Variants in USP40 observed in about 807,000 individuals in gnomAD.
The protein encoded by USP40 is ubiquitin specific peptidase 40.
USP40 carries 143 observed loss-of-function variants against 166.2 expected under a neutral mutation model. The observed-to-expected ratio is 0.86, with a 90% CI of 0.75 to 0.99. USP40 has a LOEUF of 0.99. USP40 is among the 50% of genes least tolerant of loss of function. USP40 has a pLI of 0.00. For synonymous variants in USP40, 498 were observed against 524.0 expected (o/e 0.95, Z 0.68); for missense variants, 1,444 against 1,479.7 (o/e 0.98, Z 0.40).
chr2:233,539,697 T>A (rs2069221894), intron 10 of USP40, among the ~76,000 whole-genome samples: 1 of 147,726 alleles, frequency 6.8e-6, no homozygotes. Context: ...TTAGAAGGTT[T>A]AAAAAAAAAA....
chr2:233,565,692 T>C, intron 1 of USP40, 119 bp from the exon 2 acceptor site: 4 of 894,442 alleles, frequency 4.5e-6, no homozygotes, highest in East Asian at 2.7e-5. Context: ...ACTGTTTCTA[T>C]GTACAGTAGT....
intron 25 of USP40, chr2:233,492,947 C>T (rs2065441850): frequency 5.9e-6 from 1 of 168,664 alleles, no homozygotes; most frequent in Non-Finnish European, 1.3e-5. Context: ...TGTCTATGTT[C>T]CTTCTCAGAA....
At chr2:233,539,269 G>C (rs1219921988) in intron 10 of USP40, among the ~76,000 whole-genome samples, 1 of 150,934 alleles carries the variant, frequency 6.6e-6, no homozygotes, top group African/African-American at 2.4e-5. Flanking sequence ...ATTTGACCTA[G>C]TTGTCACTTG....
intron 13 of USP40, among the ~76,000 whole-genome samples, chr2:233,526,002 A>C (rs1327860470): frequency 6.6e-6 from 1 of 152,188 alleles, no homozygotes; most frequent in Non-Finnish European, 1.5e-5. Context: ...CTCCCATTGC[A>C]AATTTATAAA....
In USP40 at chr2:233,481,243, T is replaced by G. The variant is rs2064567103; in HGVS notation, c.3559A>C (p.Lys1187Gln). Residue 1187 changes from lysine to glutamine, a missense_variant, in exon 31 of 32, where the codon AAA (lysine) becomes CAA (glutamine). By Grantham distance (53) the Lys-to-Gln change is moderately conservative. Coordinates refer to ENST00000678225, the MANE Select transcript of USP40 (RefSeq NM_001365479.2). ...AGGGCCCGTTGTTTCTGCTTTTCTT[T>G]TCCAGTGTCATCTCTGATTGTACTG... is the stretch of plus-strand genomic sequence containing the variant. ...DFSTIRDDTG[K>Q]EKQKQRALGR... 1 of 1,608,690 alleles carries G rather than the reference T, an allele frequency of 6.2e-7. No individual in the cohort carries two copies. The highest frequency in any genetic ancestry group is 8.5e-7 in the Non-Finnish European group (1 of 1,177,438).
In USP40 at chr2:233,491,212, G is replaced by A. The variant is rs1156892882; in HGVS notation, c.2967C>T (p.Asp989=). The A allele has an allele frequency of 2.5e-6, 4 of 1,611,972 alleles. No homozygotes were observed. The South Asian group carries it at 3.3e-5, about 13-fold the overall frequency. The part of the protein sequence containing the change: ...PAQVSLLYLG[D]IEISEDATLA... ...GCGTGGCATCTTCTGAGATCTCTATGTCTCCCAAGTAGAGGAGAGAAACTT... is the reference window on the plus strand; with the variant it reads ...GCGTGGCATCTTCTGAGATCTCTATATCTCCCAAGTAGAGGAGAGAAACTT... Residue 989 remains aspartate (D), a synonymous_variant, in exon 26 of 32, where the codon GAC becomes GAT. Transcript: ENST00000678225.
intron 21 of USP40, 59 bp from the exon 22 acceptor site, chr2:233,499,974 C>CTGT: frequency 6.6e-7 from 1 of 1,509,990 alleles, no homozygotes; most frequent in South Asian, 1.2e-5. Flanking sequence ...AGTTCTAGGA[C>CTGT]AAACACCCTT....
At chr2:233,532,732 A>C (rs1048313931) in intron 11 of USP40, among the ~76,000 whole-genome samples, 5 of 152,190 alleles carry the variant, frequency 3.3e-5, no homozygotes, top group Admixed American at 1.3e-4. Context: ...ATCTGAGGCC[A>C]GGAGTTCAAG....
intron 21 of USP40, among the ~76,000 whole-genome samples, chr2:233,501,679 AAGAATC>A: frequency 6.6e-6 from 1 of 152,346 alleles, no homozygotes; most frequent in South Asian, 2.1e-4. Flanking sequence ...TAAGAAAGAG[AAGAATC>A]AAGGATGACT....
chr2:233,539,050 C>T (rs927223511), intron 10 of USP40, among the ~76,000 whole-genome samples: 11 of 152,104 alleles, frequency 7.2e-5, no homozygotes, highest in Middle Eastern at 3.4e-3. Flanking sequence ...AAGCATTTCA[C>T]GCCAGGAGGC....
chr2:233,560,489 G>A (rs1489119935), intron 3 of USP40, among the ~76,000 whole-genome samples: 1 of 152,138 alleles, frequency 6.6e-6, no homozygotes, highest in East Asian at 1.9e-4. Flanking sequence ...ATGGCAATTT[G>A]ACATTCCCAT....
intron 30 of USP40, among the ~76,000 whole-genome samples, chr2:233,482,570 G>A (rs1431194439): frequency 6.7e-6 from 1 of 148,868 alleles, no homozygotes; most frequent in African/African-American, 2.5e-5. Context: ...ACCAACTTGT[G>A]TTCCCACTGG....
At chr2:233,555,852 T>C (rs62192777) in intron 5 of USP40, among the ~76,000 whole-genome samples, 17,626 of 151,956 alleles carry the variant, frequency 0.12, 1,199 homozygotes, top group Non-Finnish European at 0.16. Context: ...CGGTGGCTCA[T>C]GCCTGTAATC....
chr2:233,540,762 T>G lies in USP40; in HGVS notation c.1070A>C (p.Asn357Thr), dbSNP rs769151223. 8.1e-6 allele frequency: 13 copies of G among 1,611,740 alleles called. No individual in the cohort carries two copies. In the South Asian group the frequency reaches 1.4e-4, roughly 18 times the overall value. The part of the protein sequence containing the change: ...ILKAILLEEE[N>T]NLIPVDQLGQ... The stretch of plus-strand genomic sequence containing the variant: ...CAGCTGATCAACAGGAATTAGATTA[T>G]TCTCCTCCTTATGAGAGAAACACAG... Residue 357 changes from asparagine (N) to threonine (T), a missense_variant, in exon 10 of 32, where the codon AAT becomes ACT. Asn to Thr is a moderately conservative substitution (Grantham distance 65, BLOSUM62 0). Transcript: ENST00000678225.
intron 20 of USP40, among the ~76,000 whole-genome samples, chr2:233,510,388 C>CTTTT (rs2066724423): frequency 3.2e-4 from 25 of 79,268 alleles, no homozygotes; most frequent in Admixed American, 5.6e-4. Context: ...ACTTCTTTTT[C>CTTTT]TTTCTTTTTT....
intron 22 of USP40, among the ~76,000 whole-genome samples, chr2:233,499,432 C>T (rs1034635386): frequency 2.0e-5 from 3 of 152,086 alleles, no homozygotes; most frequent in African/African-American, 4.8e-5. Context: ...GGGTTGATTC[C>T]ATGTCTTTGC....
chr2:233,491,502 T>C (rs2125069112), intron 25 of USP40, among the ~76,000 whole-genome samples: 1 of 152,336 alleles, frequency 6.6e-6, no homozygotes, highest in Non-Finnish European at 1.5e-5. Flanking sequence ...TTCCACATTC[T>C]CTCCTTCCTC....
chr2:233,565,480 C>CT lies in USP40; in HGVS notation c.74dup (p.Thr26AspfsTer2). The CT allele has an allele frequency of 6.5e-7, 1 of 1,537,272 alleles. No homozygotes were observed. ...GAGCAGGTGGCTCCAAAGCTTTAGTCTTTAATTTCTTCCCTTTTCCATACT... is the reference window on the plus strand; with the variant it reads ...GAGCAGGTGGCTCCAAAGCTTTAGTCTTTTAATTTCTTCCCTTTTCCATACT... On this transcript the variant is annotated frameshift_variant, in exon 2 of 32. Transcript: ENST00000678225. LOFTEE classifies it high-confidence loss of function.
At chr2:233,540,483 G>A (rs560361647) in intron 10 of USP40, among the ~76,000 whole-genome samples, 179 bp downstream of exon 10, 8 of 152,246 alleles carry the variant, frequency 5.3e-5, no homozygotes, top group African/African-American at 1.9e-4. Context: ...TTGTTTCTAT[G>A]ATAAATAACT....
Sources: allele counts gnomAD v4.1 joint callset (sites outside exome capture counted in the v4.1 genomes callset), GRCh38; gene constraint gnomAD v4.1.1; transcripts MANE v1.5; gene names NCBI Gene and HGNC (gene_info 2026-07-23, HGNC 2026-07-21).